GOLGA8Q: variants seen among roughly 807,000 people sequenced by gnomAD.
GOLGA8Q encodes golgin subfamily A member 8Q.
A neutral mutation model predicts 48.7 loss-of-function variants in GOLGA8Q; 3 were observed. That is an observed-to-expected ratio of 0.06 (90% CI 0.03 to 0.16). GOLGA8Q has a LOEUF of 0.16. GOLGA8Q is among the 10% of genes least tolerant of loss of function. The pLI is 1.00. For synonymous variants in GOLGA8Q, 22 were observed against 138.2 expected (o/e 0.16, Z 5.90); for missense variants, 49 against 364.3 (o/e 0.13, Z 7.05).
intron 13 of GOLGA8Q, among the ~76,000 whole-genome samples, chr15:30,559,743 A>G (rs551232681): frequency 1.7e-3 from 252 of 149,968 alleles, no homozygotes; most frequent in African/African-American, 5.9e-3. Context: ...CTGTAATTCC[A>G]CCTACTCGGG....
At chr15:30,554,457 A>G (rs1270320464) in intron 2 of GOLGA8Q, among the ~76,000 whole-genome samples, 128 of 24,840 alleles carry the variant, frequency 5.2e-3, no homozygotes, top group Non-Finnish European at 6.9e-3. Flanking sequence ...GTGAAGTTTA[A>G]ATGAGATTTG....
At chr15:30,559,738 A>G (rs1429899208) in intron 13 of GOLGA8Q, among the ~76,000 whole-genome samples, 10 of 150,476 alleles carry the variant, frequency 6.6e-5, no homozygotes, top group South Asian at 2.1e-4. Context: ...CATGCCTGTA[A>G]TTCCACCTAC....
At chr15:30,558,081 T>A (rs1449700598) in intron 10 of GOLGA8Q, 30 bp downstream of exon 10, 1 of 1,034,080 alleles carries the variant, frequency 9.7e-7, no homozygotes, top group East Asian at 2.3e-5. Context: ...CCCCCCCACA[T>A]TAGATAGGGC....
chr15:30,554,267 C>A (rs1389621322), intron 2 of GOLGA8Q, among the ~76,000 whole-genome samples: 3 of 123,726 alleles, frequency 2.4e-5, no homozygotes, highest in Admixed American at 7.8e-5. Flanking sequence ...TATGCCACCG[C>A]ACTCCAGCCT....
At chr15:30,558,162 G>A (rs2059656342) in intron 10 of GOLGA8Q, 85 bp from the exon 11 acceptor site, 1 of 424,180 alleles carries the variant, frequency 2.4e-6, no homozygotes, top group Non-Finnish European at 4.2e-6. Context: ...TGGGCTTTGT[G>A]GAGGTGGGGG....
At chr15:30,556,956 T>C (rs2059646719) in intron 8 of GOLGA8Q, among the ~76,000 whole-genome samples, 1 of 92,028 alleles carries the variant, frequency 1.1e-5, no homozygotes, top group African/African-American at 5.7e-5. Flanking sequence ...TACCTGGCTG[T>C]GGTCTTGGGC....
At chr15:30,556,836 GT>G in intron 8 of GOLGA8Q, 136 bp downstream of exon 8, 1 of 581,392 alleles carries the variant, frequency 1.7e-6, no homozygotes, top group African/African-American at 2.2e-5. Flanking sequence ...TTTTTGTATG[GT>G]TTTTAGTGGC....
chr15:30,560,794 C>T lies in GOLGA8Q; in HGVS notation c.1276+183C>T. The T allele has an allele frequency of 1.0e-5, 6 of 592,548 alleles. 2 individuals are homozygous for T. Among genetic ancestry groups the T allele is most frequent in the Non-Finnish European group, 1.6e-5 (6 of 381,838 alleles). 36.7% of individuals were successfully genotyped at this position (592,548 alleles called of 1,614,324 possible). On this transcript the variant is annotated intron_variant, in intron 14 of 18. Coordinates refer to ENST00000562783, the MANE Select transcript of GOLGA8Q (RefSeq NM_001355476.2). ...TGTGAGCGGGCAGTCACCAAGTTGC[C>T]TAAGGGTGGCTGAACTGGCCAAGGT...
Position 30,565,425 on chromosome 15 carries a change from TG to T in GOLGA8Q, c.*2925del, listed in dbSNP as rs2059700308. ...TTAAAAAATGTAACTGCTATCTTAA[TG>T]TTCTGAAATAATTTAAAACATTTTA... On this transcript the variant is annotated 3_prime_UTR_variant, in exon 19 of 19. Transcript: ENST00000562783. Among the ~76,000 whole-genome samples, 1 of 106,540 alleles carries T rather than the reference TG, an allele frequency of 9.4e-6. No individual in the cohort carries two copies. The highest frequency in any genetic ancestry group is 2.0e-5 in the Non-Finnish European group (1 of 51,204). The allele number at this position is 106,540 out of a possible 152,430, so 69.9% of individuals were successfully genotyped here.
At chr15:30,556,858 C>T (rs1210618988) in intron 8 of GOLGA8Q, among the ~76,000 whole-genome samples, 158 bp downstream of exon 8, 123 of 116,096 alleles carry the variant, frequency 1.1e-3, no homozygotes, top group African/African-American at 4.3e-3. Flanking sequence ...AGCCTGGGGC[C>T]GAGTCAGCTG....
chr15:30,558,061 G>C lies in GOLGA8Q; in HGVS notation c.786+10G>C, dbSNP rs749729379. 5.9e-4 allele frequency: 631 copies of C among 1,067,450 alleles called. 210 individuals carry two copies. Among genetic ancestry groups the C allele is most frequent in the Middle Eastern group, 9.8e-4 (3 of 3,072 alleles). 66.1% of individuals were successfully genotyped at this position (1,067,450 alleles called of 1,614,324 possible). A position where few individuals can be genotyped will look rare whatever the true frequency, so the allele number is the denominator to read the frequency against. On this transcript the variant is annotated intron_variant, in intron 10 of 18. Coordinates refer to ENST00000562783, the MANE Select transcript of GOLGA8Q (RefSeq NM_001355476.2). ...TAAAATGTTGCAGGAGGTGAGATCT[G>C]ACCCTTCAGCCCCCCCACATTAGAT...
Position 30,555,117 on chromosome 15 carries a change from TC to T in GOLGA8Q, c.305del (p.Ser102PhefsTer2). 4.8e-6 allele frequency: 2 copies of T among 414,052 alleles called. No individual in the cohort carries two copies. The highest frequency in any genetic ancestry group is 8.4e-6 in the Non-Finnish European group (2 of 237,032). 25.6% of individuals were successfully genotyped at this position (414,052 alleles called of 1,614,324 possible). On this transcript the variant is annotated frameshift_variant, in exon 4 of 19. Coordinates refer to ENST00000562783, the MANE Select transcript of GOLGA8Q (RefSeq NM_001355476.2). LOFTEE classifies it high-confidence loss of function. The part of the protein sequence containing the change: ...KISRLKNTIK[S>X]LKQQKKQVEH... ...CAGTCGACTGAAGAACACCATCAAA[TC>T]TTTGGTAAGAGTCCGGTGGGGTCCC...
intron 9 of GOLGA8Q, 37 bp downstream of exon 9, chr15:30,557,874 GA>G (rs1567457530): frequency 1.4e-6 from 2 of 1,469,160 alleles, no homozygotes; most frequent in Non-Finnish European, 1.9e-6. Context: ...GAAGGACGAT[GA>G]CCCCAGGTGG....
chr15:30,558,079 C>T lies in GOLGA8Q; in HGVS notation c.786+28C>T, dbSNP rs1196638942. The T allele has an allele frequency of 1.4e-4, 149 of 1,038,530 alleles. 50 individuals carry two copies. The highest frequency in any genetic ancestry group is 1.9e-4 in the Non-Finnish European group (143 of 744,182). The allele number at this position is 1,038,530 out of a possible 1,614,324, so 64.3% of individuals were successfully genotyped here. On this transcript the variant is annotated intron_variant, in intron 10 of 18. Transcript: ENST00000562783. ...GAGATCTGACCCTTCAGCCCCCCCA[C>T]ATTAGATAGGGCACTGGATCTTTCT...
chr15:30,558,159 T>C lies in GOLGA8Q; in HGVS notation c.787-88T>C, dbSNP rs1237481947. 4.7e-6 allele frequency: 2 copies of C among 427,660 alleles called. 1 individual carries two copies. Among genetic ancestry groups the C allele is most frequent in the East Asian group, 5.7e-5 (2 of 35,286 alleles). 26.5% of individuals were successfully genotyped at this position (427,660 alleles called of 1,614,324 possible). A position where few individuals can be genotyped will look rare whatever the true frequency, so the allele number is the denominator to read the frequency against. Reference sequence around the variant, plus strand: ...CAGAGGTGGTCATGGGTCTGGGCTTTGTGGAGGTGGGGGCAGAGAGGGAGA... The same window carrying C: ...CAGAGGTGGTCATGGGTCTGGGCTTCGTGGAGGTGGGGGCAGAGAGGGAGA... On this transcript the variant is annotated intron_variant, in intron 10 of 18. Transcript: ENST00000562783.
At chr15:30,559,490 G>T (rs1346493938) in intron 13 of GOLGA8Q, 199 bp downstream of exon 13, 2 of 385,596 alleles carry the variant, frequency 5.2e-6, no homozygotes, top group South Asian at 2.1e-5. Flanking sequence ...GCTCCTCTCA[G>T]GTCTGGACAT....
At position 30,563,888 on chromosome 15, in the gene GOLGA8Q, G is replaced by GTA. The variant is rs1423185513; in HGVS notation, c.*1387_*1388insTA. 1.4e-5 allele frequency among the ~76,000 whole-genome samples: 1 copy of GTA among 71,712 alleles called. No homozygotes were observed. Among genetic ancestry groups the GTA allele is most frequent in the Non-Finnish European group, 2.6e-5 (1 of 37,854 alleles). 47.0% of individuals were successfully genotyped at this position (71,712 alleles called of 152,430 possible). On this transcript the variant is annotated 3_prime_UTR_variant, in exon 19 of 19. Transcript: ENST00000562783. ...ACTTAAAATGTGTACAAACTGCAGT[G>GTA]CAATCTACTGTTGTTCGTGAATGTC...
chr15:30,558,149 G>T, intron 10 of GOLGA8Q, 98 bp downstream of exon 10: 1 of 463,776 alleles, frequency 2.2e-6, no homozygotes, highest in Non-Finnish European at 3.8e-6. Context: ...GTGGTCATGG[G>T]TCTGGGCTTT....
At chr15:30,554,391 T>C (rs2059629347) in intron 2 of GOLGA8Q, among the ~76,000 whole-genome samples, 1 of 90,168 alleles carries the variant, frequency 1.1e-5, no homozygotes, top group Admixed American at 1.1e-4. Flanking sequence ...CTAGACCTCA[T>C]TGGGCCTCTC....
Sources: allele counts gnomAD v4.1 joint callset (sites outside exome capture counted in the v4.1 genomes callset), GRCh38; gene constraint gnomAD v4.1.1; transcripts MANE v1.5; gene names NCBI Gene and HGNC (gene_info 2026-07-23, HGNC 2026-07-21).